Variants in PARD3B observed in about 807,000 individuals in gnomAD.
PARD3B encodes the protein par-3 family cell polarity regulator beta.
Under a neutral mutation model 130.2 loss-of-function variants are expected in PARD3B, and 103 were observed. That is an observed-to-expected ratio of 0.79 (90% CI 0.67 to 0.93). PARD3B has a LOEUF of 0.93. PARD3B is among the 40% of genes least tolerant of loss of function. The pLI is 0.00. For synonymous variants in PARD3B, 583 were observed against 553.2 expected, an observed-to-expected ratio of 1.05 and a Z score of -0.76; for missense variants, 1,609 against 1,499.2, an observed-to-expected ratio of 1.07 and a Z score of -1.21.
At chr2:205,061,599 G>A (rs1166948467) in intron 4 of PARD3B, among the ~76,000 whole-genome samples, 1 of 152,030 alleles carries the variant, frequency 6.6e-6, no homozygotes, top group Non-Finnish European at 1.5e-5. Flanking sequence ...TTGGATAGAA[G>A]GTGTAGGATA....
chr2:204,682,504 T>G (rs1035216213), intron 1 of PARD3B, among the ~76,000 whole-genome samples: 22 of 152,158 alleles, frequency 1.4e-4, no homozygotes. Flanking sequence ...GAAGTTAAAT[T>G]CTATAAAGAA....
In PARD3B at chr2:204,909,562, A is replaced by G. The variant is rs541424792; in HGVS notation, c.223-55590A>G. On this transcript the variant is annotated intron_variant, in intron 2 of 22. Transcript: ENST00000406610. Reference sequence around the variant, plus strand: ...CTTGGATTTGTGTGAAAGTTTTCCTACTTCTTAGCTCTGTGAACCTAAAAG... The same window carrying G: ...CTTGGATTTGTGTGAAAGTTTTCCTGCTTCTTAGCTCTGTGAACCTAAAAG... 3.3e-5 allele frequency among the ~76,000 whole-genome samples: 5 copies of G among 152,246 alleles called. No homozygotes were observed. The South Asian group carries it at 1.0e-3, about 32-fold the overall frequency.
intron 16 of PARD3B, among the ~76,000 whole-genome samples, chr2:205,279,923 CT>C (rs1247530743): frequency 6.6e-6 from 1 of 152,110 alleles, no homozygotes; most frequent in East Asian, 1.9e-4. Context: ...CAGCCTGAAG[CT>C]ACAAAAAATA....
At position 205,463,463 on chromosome 2, in the gene PARD3B, G is replaced by A. The variant is rs1012055783; in HGVS notation, c.3044+22791G>A. On this transcript the variant is annotated intron_variant, in intron 20 of 22. Transcript: ENST00000406610. This position sits in a 1 kb window ranked among gnomAD's most constrained non-coding sequence, Gnocchi z 4.8. Reference sequence around the variant, plus strand: ...TAAAAAAAAAAAAAAAAAAAAACCTGTCATTTAATTTTAAATGCTAATATG... The same window carrying A: ...TAAAAAAAAAAAAAAAAAAAAACCTATCATTTAATTTTAAATGCTAATATG... Among the ~76,000 whole-genome samples the A allele has an allele frequency of 3.4e-5, 5 of 148,268 alleles. No individual in the cohort carries two copies. The highest frequency in any genetic ancestry group is 7.4e-5 in the Non-Finnish European group (5 of 67,218).
intron 4 of PARD3B, among the ~76,000 whole-genome samples, chr2:205,076,628 C>T (rs935046922): frequency 3.9e-5 from 6 of 152,146 alleles, no homozygotes; most frequent in Admixed American, 3.9e-4. Context: ...TGCGCTCAGG[C>T]TCCTGTCACA....
chr2:204,776,060 A>C (rs1217003641), intron 2 of PARD3B, among the ~76,000 whole-genome samples: 2 of 152,214 alleles, frequency 1.3e-5, no homozygotes, highest in Non-Finnish European at 2.9e-5. Flanking sequence ...TTTGCTAGCT[A>C]GAAAAAACTC....
intron 10 of PARD3B, among the ~76,000 whole-genome samples, chr2:205,155,959 A>G (rs2034096478): frequency 6.6e-6 from 1 of 152,100 alleles, no homozygotes. Flanking sequence ...AGACACATGC[A>G]CACGTATGTT....
In PARD3B at chr2:205,185,714, G is replaced by C. The variant is rs377185715; in HGVS notation, c.1925-50G>C. The C allele has an allele frequency of 6.6e-6, 10 of 1,507,838 alleles. No individual in the cohort carries two copies. In the African/African-American group the frequency reaches 1.2e-4, roughly 19 times the overall value. The allele number at this position is 1,507,838 out of a possible 1,614,324, so 93.4% of individuals were successfully genotyped here. A position where few individuals can be genotyped will look rare whatever the true frequency, so the allele number is the denominator to read the frequency against. ...AGATACTGAAACCAAACCAGGCATC[G>C]AATGGTTCTGCTTCCACTTTATACA... On this transcript the variant is annotated intron_variant, in intron 13 of 22. Transcript: ENST00000406610.
rs937657985 is a variant in PARD3B, at chr2:204,557,144, A to G, written c.120+11025A>G. ...CACTGGGGTTCTGGCCTCGTCCTCCATGGGATCTCATTCACCACATGGCTT... is the reference window on the plus strand; with the variant it reads ...CACTGGGGTTCTGGCCTCGTCCTCCGTGGGATCTCATTCACCACATGGCTT... On this transcript the variant is annotated intron_variant, in intron 1 of 22. Coordinates refer to ENST00000406610, the MANE Select transcript of PARD3B (RefSeq NM_001302769.2). Among the ~76,000 whole-genome samples, 6 of 151,898 alleles carry G rather than the reference A, an allele frequency of 4.0e-5. No homozygotes were observed. In the South Asian group the frequency reaches 1.0e-3, roughly 26 times the overall value.
At chr2:205,070,495 C>T (rs1700656796) in intron 4 of PARD3B, among the ~76,000 whole-genome samples, 1 of 151,982 alleles carries the variant, frequency 6.6e-6, no homozygotes, top group South Asian at 2.1e-4. Flanking sequence ...TTAATTGCTT[C>T]CCTGTAAAGT....
At chr2:205,256,999 A>C (rs530088941) in intron 16 of PARD3B, among the ~76,000 whole-genome samples, 3 of 152,148 alleles carry the variant, frequency 2.0e-5, no homozygotes, top group African/African-American at 7.2e-5. Flanking sequence ...GAGGGCAAAA[A>C]CTTAGTCCTA....
chr2:205,279,792 T>C (rs1181480561), intron 16 of PARD3B, among the ~76,000 whole-genome samples: 4 of 152,296 alleles, frequency 2.6e-5, no homozygotes, highest in Admixed American at 2.6e-4. Flanking sequence ...GTTCTCCATT[T>C]TCTAGCAGAG....
intron 18 of PARD3B, among the ~76,000 whole-genome samples, chr2:205,364,070 G>A (rs2044506350): frequency 6.6e-6 from 1 of 152,042 alleles, no homozygotes; most frequent in Admixed American, 6.5e-5. Context: ...GCATCTGTCA[G>A]TTCTAAAATG....
chr2:204,820,166 C>T (rs947019743), intron 2 of PARD3B, among the ~76,000 whole-genome samples: 2 of 147,422 alleles, frequency 1.4e-5, no homozygotes, highest in East Asian at 4.0e-4. Flanking sequence ...ACCTCTACCT[C>T]CCGGGTTCAA....
intron 4 of PARD3B, among the ~76,000 whole-genome samples, chr2:205,103,090 A>AT (rs927453167): frequency 1.3e-4 from 19 of 147,068 alleles, no homozygotes. Context: ...ATATTTTTTT[A>AT]TTTTTTTATT....
At chr2:204,893,875 A>G (rs536385636) in intron 2 of PARD3B, among the ~76,000 whole-genome samples, 1 of 152,292 alleles carries the variant, frequency 6.6e-6, no homozygotes, top group South Asian at 2.1e-4. Flanking sequence ...AATAACTTTT[A>G]TTATATTATT....
Position 205,461,034 on chromosome 2 carries a change from A to T in PARD3B, c.3044+20362A>T, listed in dbSNP as rs1164588119. Among the ~76,000 whole-genome samples the T allele has an allele frequency of 6.6e-6, 1 of 152,200 alleles. No homozygotes were observed. Among genetic ancestry groups the T allele is most frequent in the Non-Finnish European group, 1.5e-5 (1 of 68,038 alleles). On this transcript the variant is annotated intron_variant, in intron 20 of 22. Transcript: ENST00000406610. This position sits in a 1 kb window ranked among gnomAD's most constrained non-coding sequence, Gnocchi z 4.3. ...CATTAAATTAATGAATCTCCATTCA[A>T]CAGATATTTATTGAGTGAGATTTAG...
chr2:205,236,096 G>A (rs185347736), intron 15 of PARD3B, among the ~76,000 whole-genome samples: 2 of 152,196 alleles, frequency 1.3e-5, no homozygotes, highest in Non-Finnish European at 2.9e-5. Context: ...CAACTAAAAT[G>A]TAATGGACAA....
At chr2:205,282,507 G>GTATATA (rs34964209) in intron 16 of PARD3B, among the ~76,000 whole-genome samples, 1 of 144,982 alleles carries the variant, frequency 6.9e-6, no homozygotes, top group Admixed American at 7.0e-5. Context: ...ATATTTATGT[G>GTATATA]TATATATATA....
Sources: allele counts gnomAD v4.1 joint callset (sites outside exome capture counted in the v4.1 genomes callset), GRCh38; gene constraint gnomAD v4.1.1; non-coding constraint Gnocchi (gnomAD v3.1); transcripts MANE v1.5; gene names NCBI Gene and HGNC (gene_info 2026-07-23, HGNC 2026-07-21).